VMA22: variants seen among roughly 807,000 people sequenced by gnomAD.
VMA22 encodes vacuolar ATPase assembly protein VMA22.
the VMA22 span, chr2:130,342,066 G>C: frequency 1.2e-6 from 2 of 1,613,720 alleles, no homozygotes; most frequent in South Asian, 1.1e-5. Context: ...GCTCCTCCAG[G>C]TCCCCAAGCA....
At chr2:130,342,034 A>G in the VMA22 span, 40 of 1,613,698 alleles carry the variant, frequency 2.5e-5, no homozygotes, top group Admixed American at 5.0e-5. Context: ...CCGGGCGTTC[A>G]ACACCGTTCG....
the VMA22 span, chr2:130,342,061 T>G: frequency 6.2e-7 from 1 of 1,613,686 alleles, no homozygotes; most frequent in Non-Finnish European, 8.5e-7. Flanking sequence ...CTCCAGCTCC[T>G]CCAGGTCCCC....
the VMA22 span, chr2:130,340,832 A>G: frequency 1.9e-6 from 3 of 1,563,802 alleles, no homozygotes; most frequent in Non-Finnish European, 2.6e-6. Context: ...AACCCCAGCC[A>G]TGGCAGCAGT....
the VMA22 span, chr2:130,339,765 G>GC: frequency 1.5e-6 from 2 of 1,303,652 alleles, no homozygotes; most frequent in Non-Finnish European, 2.0e-6. Context: ...CAGGACACCT[G>GC]CCCCCAGGTG....
chr2:130,342,165 A>G, the VMA22 span: 3 of 1,602,610 alleles, frequency 1.9e-6, no homozygotes, highest in African/African-American at 1.4e-5. Context: ...CTTCCTTGTC[A>G]CCCTCCGCAG....
the VMA22 span, chr2:130,342,080 G>A: frequency 4.3e-6 from 7 of 1,613,702 alleles, no homozygotes; most frequent in South Asian, 6.6e-5. Context: ...CCAAGCAGCT[G>A]CAGGACCAGC....
chr2:130,342,442 C>A, the VMA22 span: 1 of 549,344 alleles, frequency 1.8e-6, no homozygotes, highest in Non-Finnish European at 3.2e-6. Context: ...ACTGTTGTGG[C>A]GATGGAAGAA....
chr2:130,340,476 GCT>G, the VMA22 span: 1 of 253,522 alleles, frequency 3.9e-6, no homozygotes, highest in South Asian at 3.8e-5. Flanking sequence ...TTTTGTCCTG[GCT>G]GGTTCCTCCA....
chr2:130,342,289 G>A, the VMA22 span: 1 of 1,389,342 alleles, frequency 7.2e-7, no homozygotes, highest in Non-Finnish European at 9.7e-7. Context: ...AAGGGCAAGC[G>A]CCCTTAGAGA....
At chr2:130,341,151 G>T in the VMA22 span, 2 of 1,321,624 alleles carry the variant, frequency 1.5e-6, no homozygotes, top group African/African-American at 1.5e-5. Context: ...ACTGTTGGTT[G>T]GAAAATTCCA....
At chr2:130,339,284 C>T in the VMA22 span, 2 of 1,499,924 alleles carry the variant, frequency 1.3e-6, no homozygotes, top group East Asian at 2.3e-5. Flanking sequence ...AACACACGAC[C>T]CAGGAGGATC....
chr2:130,339,179 G>C, the VMA22 span: 39 of 1,614,114 alleles, frequency 2.4e-5, no homozygotes, highest in South Asian at 1.4e-4. Context: ...AGCTGGCTTC[G>C]ACCCCAGTCA....
At chr2:130,342,671 A>G in the VMA22 span, 4 of 516,552 alleles carry the variant, frequency 7.7e-6, no homozygotes, top group Non-Finnish European at 1.4e-5. Context: ...GGGCGGACAT[A>G]TTTATTAGCT....
the VMA22 span, chr2:130,341,763 A>C: frequency 1.9e-6 from 3 of 1,610,190 alleles, no homozygotes; most frequent in African/African-American, 4.0e-5. Flanking sequence ...AAGGACGAGA[A>C]GGGAGGATGG....
chr2:130,339,565 C>T, the VMA22 span: 3 of 1,283,348 alleles, frequency 2.3e-6, no homozygotes, highest in Non-Finnish European at 3.1e-6. Context: ...CTCACCTGCT[C>T]TCCCTCCACT....
chr2:130,339,461 A>G, the VMA22 span: 6 of 1,402,276 alleles, frequency 4.3e-6, no homozygotes, highest in Non-Finnish European at 5.6e-6. Flanking sequence ...TGGACCCATT[A>G]TATCACCCAC....
the VMA22 span, chr2:130,339,012 G>A: frequency 1.3e-6 from 1 of 760,912 alleles, no homozygotes; most frequent in Non-Finnish European, 2.2e-6. Context: ...AGGGGCATTA[G>A]CTGGCGTGGG....
chr2:130,339,134 G>C, the VMA22 span: 1 of 1,613,616 alleles, frequency 6.2e-7, no homozygotes, highest in Admixed American at 1.7e-5. Context: ...GCAGCCCCAG[G>C]CTCCAGCTGC....
the VMA22 span, chr2:130,339,542 G>A: frequency 1.6e-6 from 2 of 1,268,062 alleles, no homozygotes; most frequent in Non-Finnish European, 2.0e-6. Flanking sequence ...CATTATTACA[G>A]CATCTCTCTG....
Sources: allele counts gnomAD v4.1 joint callset, GRCh38; gene constraint gnomAD v4.1.1; transcripts MANE v1.5; gene names NCBI Gene and HGNC (gene_info 2026-07-23, HGNC 2026-07-21).